C1orf50: variants seen among roughly 807,000 people sequenced by gnomAD.
C1orf50 encodes the protein chromosome 1 open reading frame 50.
C1orf50 carries 22 observed loss-of-function variants against 23.3 expected under a neutral mutation model. The ratio of observed to expected loss-of-function variants is 0.94; its 90% confidence interval spans 0.67 to 1.35. The LOEUF is 1.35. Ranked by LOEUF, C1orf50 falls within the 40% of genes most tolerant of loss-of-function variation. The pLI is 0.00. For missense variants in C1orf50, 271 were observed against 249.4 expected (o/e 1.09, Z -0.58); for synonymous variants, 96 against 102.4 (o/e 0.94, Z 0.38).
In C1orf50 at chr1:42,777,018, A is replaced by G. The variant is rs890414395; in HGVS notation, c.*1624A>G. Reference sequence around the variant, plus strand: ...GAAGGCTGAAATCAAGTTATTGGTCAGGGCTGTTCTTATCTGAAGGCCTGA... The same window carrying G: ...GAAGGCTGAAATCAAGTTATTGGTCGGGGCTGTTCTTATCTGAAGGCCTGA... On this transcript the variant is annotated 3_prime_UTR_variant, in exon 5 of 5. Coordinates refer to ENST00000372525, the MANE Select transcript of C1orf50 (RefSeq NM_024097.4). 6.6e-6 allele frequency: 1 copy of G among 152,220 alleles called. No individual in the cohort carries two copies. Among genetic ancestry groups the G allele is most frequent in the Non-Finnish European group, 1.5e-5 (1 of 68,038 alleles). The allele number at this position is 152,220 out of a possible 1,614,324, so 9.4% of individuals were successfully genotyped here. A position where few individuals can be genotyped will look rare whatever the true frequency, so the allele number is the denominator to read the frequency against.
rs1653315913 is a variant in C1orf50, at chr1:42,775,391, C to T, written c.597C>T (p.His199=). 2 of 1,581,918 alleles carry T rather than the reference C, an allele frequency of 1.3e-6. No individual in the cohort carries two copies. The highest frequency in any genetic ancestry group is 1.3e-5 in the African/African-American group (1 of 74,450). The change falls in exon 5 of 5, where the codon CAC becomes CAT. Residue 199 remains histidine (H), a synonymous_variant. Transcript: ENST00000372525. ...AACCCAACTTCCAGGGACTGACTCACTGAGAGTGGGCTTTGACAAACAGCT... is the reference window on the plus strand; with the variant it reads ...AACCCAACTTCCAGGGACTGACTCATTGAGAGTGGGCTTTGACAAACAGCT... ...CTEPNFQGLT[H] is the part of the protein sequence containing the mutation.
intron 2 of C1orf50, among the ~76,000 whole-genome samples, chr1:42,770,090 A>G (rs558572319): frequency 1.7e-4 from 26 of 152,302 alleles, no homozygotes; most frequent in Admixed American, 1.4e-3. Flanking sequence ...GATGAATGTA[A>G]AGGGCCTCAG....
intron 2 of C1orf50, among the ~76,000 whole-genome samples, chr1:42,770,134 G>A (rs1291273929): frequency 1.3e-5 from 2 of 152,200 alleles, no homozygotes; most frequent in African/African-American, 4.8e-5. Context: ...CTTAGTAGTT[G>A]TAGGTACTCT....
rs1553145612 is a variant in C1orf50, at chr1:42,773,678, A to G, written c.282+29A>G. 1.0e-5 allele frequency: 15 copies of G among 1,462,910 alleles called. No individual in the cohort carries two copies. In the South Asian group the frequency reaches 1.0e-4, roughly 10 times the overall value. The allele number at this position is 1,462,910 out of a possible 1,614,324, so 90.6% of individuals were successfully genotyped here. Reference sequence around the variant, plus strand: ...AGGAATGACTGTTAGACAGGCTTTCATTTTCTTTATTTAGTTCTCAGGATT... The same window carrying G: ...AGGAATGACTGTTAGACAGGCTTTCGTTTTCTTTATTTAGTTCTCAGGATT... On this transcript the variant is annotated intron_variant, in intron 3 of 4. Coordinates refer to ENST00000372525, the MANE Select transcript of C1orf50 (RefSeq NM_024097.4).
Position 42,767,268 on chromosome 1 carries a change from T to G in C1orf50, c.-44T>G, listed in dbSNP as rs1653080001. 6.8e-7 allele frequency: 1 copy of G among 1,465,862 alleles called. No homozygotes were observed. The allele number at this position is 1,465,862 out of a possible 1,614,324, so 90.8% of individuals were successfully genotyped here. On this transcript the variant is annotated 5_prime_UTR_variant, in exon 1 of 5. Transcript: ENST00000372525. ...CCACGCGCCTTTATGCGCAGGCTCT[T>G]CCTACTCGCACAGCCCAGGGAGTGG...
Position 42,779,362 on chromosome 1 carries a change from G to T in C1orf50, c.*3968G>T, listed in dbSNP as rs1247446948. 1 of 125,498 alleles carries T rather than the reference G, an allele frequency of 8.0e-6. No individual in the cohort carries two copies. The highest frequency in any genetic ancestry group is 3.1e-5 in the African/African-American group (1 of 32,124). 7.8% of individuals were successfully genotyped at this position (125,498 alleles called of 1,614,324 possible). A position where few individuals can be genotyped will look rare whatever the true frequency, so the allele number is the denominator to read the frequency against. On this transcript the variant is annotated 3_prime_UTR_variant, in exon 5 of 5. Transcript: ENST00000372525. ...ACTGCACTCCAACTTGGGCAACAGAGCAAGACTCCATCTCAAAAAAAAAAA... is the reference window on the plus strand; with the variant it reads ...ACTGCACTCCAACTTGGGCAACAGATCAAGACTCCATCTCAAAAAAAAAAA...
intron 2 of C1orf50, among the ~76,000 whole-genome samples, chr1:42,771,080 A>C (rs1287473843): frequency 6.6e-6 from 1 of 152,218 alleles, no homozygotes; most frequent in African/African-American, 2.4e-5. Flanking sequence ...ATTAAACTTC[A>C]TAAAAATGAA....
chr1:42,772,116 C>G (rs1336240058), intron 2 of C1orf50, among the ~76,000 whole-genome samples: 1 of 152,142 alleles, frequency 6.6e-6, no homozygotes, highest in Non-Finnish European at 1.5e-5. Context: ...AAGGCAGGGA[C>G]TTCTCTTTCC....
At chr1:42,773,531 C>T (rs747061157) in intron 2 of C1orf50, 32 bp from the exon 3 acceptor site, 4 of 1,354,134 alleles carry the variant, frequency 3.0e-6, no homozygotes, top group Non-Finnish European at 4.2e-6. Flanking sequence ...TTTCCTCTTT[C>T]AACCCACAGT....
Position 42,767,269 on chromosome 1 carries a change from C to G in C1orf50, c.-43C>G. 1.4e-6 allele frequency: 2 copies of G among 1,467,242 alleles called. No individual in the cohort carries two copies. The highest frequency in any genetic ancestry group is 2.9e-5 in the South Asian group (2 of 69,500). 90.9% of individuals were successfully genotyped at this position (1,467,242 alleles called of 1,614,324 possible). ...CACGCGCCTTTATGCGCAGGCTCTT[C>G]CTACTCGCACAGCCCAGGGAGTGGG... On this transcript the variant is annotated 5_prime_UTR_variant, in exon 1 of 5. Coordinates refer to ENST00000372525, the MANE Select transcript of C1orf50 (RefSeq NM_024097.4).
rs1653372083 is a variant in C1orf50 at position 42,777,934 on chromosome 1, T to C, written c.*2540T>C. The C allele has an allele frequency of 6.6e-6, 1 of 151,804 alleles. No homozygotes were observed. Among genetic ancestry groups the C allele is most frequent in the African/African-American group, 2.4e-5 (1 of 41,304 alleles). The allele number at this position is 151,804 out of a possible 1,614,324, so 9.4% of individuals were successfully genotyped here. On this transcript the variant is annotated 3_prime_UTR_variant, in exon 5 of 5. Transcript: ENST00000372525. ...AGTCATCAGCTTGATCATTTGAAAATGCCAAATCTCCCTCACTCTTGACAT... is the reference window on the plus strand; with the variant it reads ...AGTCATCAGCTTGATCATTTGAAAACGCCAAATCTCCCTCACTCTTGACAT...
At chr1:42,769,202 C>T (rs1289479938) in intron 2 of C1orf50, among the ~76,000 whole-genome samples, 2 of 151,534 alleles carry the variant, frequency 1.3e-5, no homozygotes, top group South Asian at 2.1e-4. Context: ...GAGCCGAGAT[C>T]GCACCACTGT....
chr1:42,767,288 G>C lies in C1orf50; in HGVS notation c.-24G>C. On this transcript the variant is annotated 5_prime_UTR_variant, in exon 1 of 5. Coordinates refer to ENST00000372525, the MANE Select transcript of C1orf50 (RefSeq NM_024097.4). ...GCTCTTCCTACTCGCACAGCCCAGG[G>C]AGTGGGGAGGATAAGGCGCTGTCAT... The C allele has an allele frequency of 6.7e-7, 1 of 1,487,572 alleles. No homozygotes were observed. The highest frequency in any genetic ancestry group is 1.4e-5 in the South Asian group (1 of 71,982). The allele number at this position is 1,487,572 out of a possible 1,614,324, so 92.1% of individuals were successfully genotyped here.
intron 2 of C1orf50, among the ~76,000 whole-genome samples, chr1:42,772,738 G>A (rs573462647): frequency 6.6e-5 from 10 of 151,794 alleles, no homozygotes; most frequent in East Asian, 1.9e-4. Flanking sequence ...CCAAGATTGC[G>A]CCATTGCACT....
chr1:42,770,239 G>A (rs763199484), intron 2 of C1orf50, among the ~76,000 whole-genome samples: 44 of 151,452 alleles, frequency 2.9e-4, no homozygotes, highest in Non-Finnish European at 3.5e-4. Flanking sequence ...CCTTTTTTTG[G>A]ACCTCAGACT....
At chr1:42,773,362 G>T in intron 2 of C1orf50, 1 of 455,378 alleles carries the variant, frequency 2.2e-6, no homozygotes, top group Admixed American at 3.8e-5. Context: ...CTGTGGCGTG[G>T]AGTCATGTCA....
Position 42,773,656 on chromosome 1 carries a change from A to T in C1orf50, c.282+7A>T. Reference sequence around the variant, plus strand: ...GCAAGAACAAGCCAGGAAGGTAAGGAATGACTGTTAGACAGGCTTTCATTT... The same window carrying T: ...GCAAGAACAAGCCAGGAAGGTAAGGTATGACTGTTAGACAGGCTTTCATTT... On this transcript the variant is annotated splice_region_variant and intron_variant, in intron 3 of 4. Coordinates refer to ENST00000372525, the MANE Select transcript of C1orf50 (RefSeq NM_024097.4). 3.8e-6 allele frequency: 6 copies of T among 1,590,052 alleles called. No homozygotes were observed. Among genetic ancestry groups the T allele is most frequent in the Non-Finnish European group, 4.3e-6 (5 of 1,158,956 alleles).
Position 42,767,364 on chromosome 1 carries a change from G to A in C1orf50, c.53G>A (p.Gly18Glu). 2 of 1,539,674 alleles carry A rather than the reference G, an allele frequency of 1.3e-6. No homozygotes were observed. Among genetic ancestry groups the A allele is most frequent in the African/African-American group, 1.4e-5 (1 of 72,304 alleles). The change falls in exon 1 of 5, where the codon GGA becomes GAA. Residue 18 changes from glycine to glutamate, a missense_variant. Physicochemically the swap from Gly to Glu is moderately conservative, Grantham distance 98 (BLOSUM62 -2). Coordinates refer to ENST00000372525, the MANE Select transcript of C1orf50 (RefSeq NM_024097.4). ...ACCGAGGGGGTCCTTGAAAGGCAAG[G>A]AGCGCCGCCAGCTGCAGGCCAGGGA... The part of the protein sequence containing the change: ...GRTEGVLERQ[G>E]APPAAGQGGA...
chr1:42,771,772 G>A (rs1653226671), intron 2 of C1orf50, among the ~76,000 whole-genome samples: 1 of 152,108 alleles, frequency 6.6e-6, no homozygotes, highest in African/African-American at 2.4e-5. Context: ...GAGGCCAGGA[G>A]TTCGAGGCCA....
Sources: gnomAD v4.1 joint callset for allele counts (sites outside exome capture counted in the v4.1 genomes callset) on GRCh38, gnomAD v4.1.1 for gene constraint, MANE v1.5 for transcripts, NCBI Gene and HGNC (gene_info 2026-07-23, HGNC 2026-07-21) for gene names.